Variants in LRRTM4 observed in about 807,000 individuals in gnomAD.
LRRTM4 encodes the protein leucine-rich repeat transmembrane neuronal protein 4.
LRRTM4 carries 25 observed loss-of-function variants against 47.6 expected under a neutral mutation model. The ratio of observed to expected loss-of-function variants is 0.53; its 90% CI spans 0.38 to 0.73. The LOEUF (loss-of-function observed/expected upper bound fraction) is 0.73. LRRTM4 is among the 30% of genes least tolerant of loss of function. The pLI, the probability that LRRTM4 is intolerant of heterozygous loss-of-function variation, is 0.00. For synonymous variants in LRRTM4, 311 were observed against 269.5 expected (o/e 1.15, Z -1.51); for missense variants, 638 against 713.4 (o/e 0.89, Z 1.20).
intron 3 of LRRTM4, among the ~76,000 whole-genome samples, chr2:76,776,172 G>A (rs1161521148): frequency 1.3e-5 from 2 of 152,122 alleles, no homozygotes; most frequent in African/African-American, 4.8e-5. Flanking sequence ...GGACATTTGG[G>A]TTGGTTCCAA....
intron 3 of LRRTM4, among the ~76,000 whole-genome samples, chr2:76,943,618 C>A (rs1039744695): frequency 1.3e-5 from 2 of 152,128 alleles, no homozygotes; most frequent in Admixed American, 6.5e-5. Flanking sequence ...CCCTACCCTA[C>A]CACATTTGTG....
At chr2:77,432,290 G>A (rs888041549) in intron 3 of LRRTM4, among the ~76,000 whole-genome samples, 1 of 152,136 alleles carries the variant, frequency 6.6e-6, no homozygotes, top group Admixed American at 6.5e-5. Flanking sequence ...CATGGTTAAG[G>A]ATTCATTCCT....
intron 3 of LRRTM4, among the ~76,000 whole-genome samples, chr2:77,081,247 AAC>A (rs58897041): frequency 0.027 from 3,778 of 139,900 alleles, 79 homozygotes; most frequent in African/African-American, 0.046. Context: ...ACCTGACAGC[AAC>A]ACACACACAC....
At chr2:77,252,438 C>T (rs112903823) in intron 3 of LRRTM4, among the ~76,000 whole-genome samples, 2,642 of 152,228 alleles carry the variant, frequency 0.017, 28 homozygotes, top group Non-Finnish European at 0.02. Context: ...AGTGACACAA[C>T]CAAAATGGAG....
chr2:76,880,253 A>T (rs1672892187), intron 3 of LRRTM4, among the ~76,000 whole-genome samples: 1 of 152,168 alleles, frequency 6.6e-6, no homozygotes, highest in Non-Finnish European at 1.5e-5. Flanking sequence ...ATCAAACACC[A>T]AGGGAAACTT....
At chr2:77,027,332 A>C (rs1418002237) in intron 3 of LRRTM4, among the ~76,000 whole-genome samples, 1 of 152,208 alleles carries the variant, frequency 6.6e-6, no homozygotes, top group Non-Finnish European at 1.5e-5. Flanking sequence ...AATTAAATAA[A>C]AAAAGAACTC....
rs138905032 is a variant in LRRTM4, at chr2:77,360,476, T to TGATACGATACGATAC, written c.1551+157827_1551+157841dup. On this transcript the variant is annotated intron_variant, in intron 3 of 3. Coordinates refer to ENST00000409884, the MANE Select transcript of LRRTM4 (RefSeq NM_001134745.3). ...CCATCTCAAAAAATACAATACGATA[T>TGATACGATACGATAC]GATACGATACGATACGATACGATAC... Among the ~76,000 whole-genome samples, 838 of 123,286 alleles carry TGATACGATACGATAC rather than the reference T, an allele frequency of 6.8e-3. 6 individuals are homozygous for TGATACGATACGATAC. Among genetic ancestry groups the TGATACGATACGATAC allele is most frequent in the East Asian group, 0.029 (115 of 3,980 alleles). 80.9% of individuals were successfully genotyped at this position (123,286 alleles called of 152,430 possible). A position where few individuals can be genotyped will look rare whatever the true frequency, so the allele number is the denominator to read the frequency against.
At chr2:77,276,055 G>A (rs889801459) in intron 3 of LRRTM4, among the ~76,000 whole-genome samples, 13 of 151,938 alleles carry the variant, frequency 8.6e-5, no homozygotes, top group African/African-American at 3.1e-4. Context: ...AATGTAAGCG[G>A]TAGAATCCCA....
chr2:77,090,649 C>G (rs1357452256), intron 3 of LRRTM4, among the ~76,000 whole-genome samples: 1 of 152,118 alleles, frequency 6.6e-6, no homozygotes. Context: ...CAGGAGCTTG[C>G]TACAAGTGCC....
chr2:76,965,978 C>G (rs1676010533), intron 3 of LRRTM4, among the ~76,000 whole-genome samples: 1 of 151,344 alleles, frequency 6.6e-6, no homozygotes, highest in Non-Finnish European at 1.5e-5. Flanking sequence ...GCTTCAAAAA[C>G]AAATTGCAAA....
intron 3 of LRRTM4, among the ~76,000 whole-genome samples, chr2:77,385,007 C>T (rs1673208571): frequency 6.6e-6 from 1 of 151,992 alleles, no homozygotes; most frequent in African/African-American, 2.4e-5. Flanking sequence ...TATGTTAATT[C>T]TCTAAATGCC....
intron 3 of LRRTM4, among the ~76,000 whole-genome samples, chr2:76,916,435 GA>G (rs1674254387): frequency 6.8e-6 from 1 of 147,874 alleles, no homozygotes; most frequent in Admixed American, 6.7e-5. Flanking sequence ...GTATGGTCAG[GA>G]AAAATTGTAA....
At chr2:76,966,421 T>G (rs540224211) in intron 3 of LRRTM4, among the ~76,000 whole-genome samples, 1 of 151,552 alleles carries the variant, frequency 6.6e-6, no homozygotes, top group South Asian at 2.1e-4. Context: ...TGCTCTAGAC[T>G]CTGACCTCAT....
At chr2:77,332,933 G>A (rs1244464808) in intron 3 of LRRTM4, among the ~76,000 whole-genome samples, 1 of 152,164 alleles carries the variant, frequency 6.6e-6, no homozygotes, top group Admixed American at 6.5e-5. Flanking sequence ...CACGTGTCAT[G>A]GGAGGAACTA....
In LRRTM4 at chr2:76,839,693, A is replaced by G. The variant is rs1224816027; in HGVS notation, c.1552-90777T>C. Among the ~76,000 whole-genome samples, 4 of 152,124 alleles carry G rather than the reference A, an allele frequency of 2.6e-5. No individual in the cohort carries two copies. The East Asian group carries it at 7.7e-4, about 29-fold the overall frequency. On this transcript the variant is annotated intron_variant, in intron 3 of 3. Transcript: ENST00000409884. The stretch of plus-strand genomic sequence containing the variant: ...AGTGAAATAAATTACCTTATTTGAA[A>G]GCATGTAGTTTTATATATCATAATA...
At chr2:76,955,787 G>A (rs1436414473) in intron 3 of LRRTM4, among the ~76,000 whole-genome samples, 1 of 151,682 alleles carries the variant, frequency 6.6e-6, no homozygotes, top group Non-Finnish European at 1.5e-5. Flanking sequence ...AACCAAGAGT[G>A]GGCCCTCACC....
At chr2:77,244,925 G>A (rs1675389810) in intron 3 of LRRTM4, among the ~76,000 whole-genome samples, 1 of 152,056 alleles carries the variant, frequency 6.6e-6, no homozygotes, top group Non-Finnish European at 1.5e-5. Context: ...TACTTTCCTG[G>A]TAGAGCCTTG....
intron 3 of LRRTM4, among the ~76,000 whole-genome samples, chr2:77,370,549 GA>G (rs200740251): frequency 1.2e-4 from 18 of 148,294 alleles, no homozygotes; most frequent in Middle Eastern, 3.5e-3. Flanking sequence ...GAGCAAAAAT[GA>G]AAAAAAAATG....
At chr2:77,098,603 A>G (rs11694677) in intron 3 of LRRTM4, among the ~76,000 whole-genome samples, 18,837 of 152,008 alleles carry the variant, frequency 0.12, 1,473 homozygotes, top group Middle Eastern at 0.2. Context: ...TATTGCTTCC[A>G]TAAGACATAA....
Sources: allele counts gnomAD v4.1 joint callset (sites outside exome capture counted in the v4.1 genomes callset), GRCh38; gene constraint gnomAD v4.1.1; transcripts MANE v1.5; gene names NCBI Gene and HGNC (gene_info 2026-07-23, HGNC 2026-07-21).